The following IDI2 variants were observed in gnomAD, a reference collection of about 807,000 sequenced individuals.
IDI2 encodes the protein isopentenyl-diphosphate delta isomerase 2, also known as isopentenyl-diphosphate delta-isomerase 2.
IDI2 carries 18 observed loss-of-function variants against 14.8 expected under a neutral mutation model. That is an observed-to-expected ratio of 1.22 (90% CI 0.84 to 1.80). The LOEUF is 1.80. IDI2 is among the 40% of genes most tolerant of loss of function. The pLI, the probability that IDI2 is intolerant of heterozygous loss-of-function variation, is 0.00. For synonymous variants in IDI2, 133 were observed against 109.6 expected (o/e 1.21, Z -1.33); for missense variants, 316 against 283.2 (o/e 1.12, Z -0.83).
intron 2 of IDI2, 88 bp from the exon 3 acceptor site, chr10:1,022,863 T>C: frequency 3.1e-6 from 3 of 955,478 alleles, no homozygotes; most frequent in Non-Finnish European, 5.0e-6. Context: ...CTGTTTCTCG[T>C]AGAAAAGCCT....
At chr10:1,020,734 G>A (rs757852814) in intron 4 of IDI2, 33 bp downstream of exon 4, 46 of 1,586,040 alleles carry the variant, frequency 2.9e-5, no homozygotes, top group Middle Eastern at 2.1e-4. Flanking sequence ...CTGGACTCCC[G>A]TGGACACAGC....
chr10:1,020,215 T>C (rs1397962130), intron 4 of IDI2, among the ~76,000 whole-genome samples: 3 of 150,704 alleles, frequency 2.0e-5, no homozygotes, highest in Non-Finnish European at 2.9e-5. Flanking sequence ...CTTTCTACAC[T>C]TGAATTTCTT....
At chr10:1,025,145 C>T (rs1329559897) in intron 1 of IDI2, among the ~76,000 whole-genome samples, 7 of 152,072 alleles carry the variant, frequency 4.6e-5, no homozygotes, top group East Asian at 1.9e-4. Flanking sequence ...CTGGATCAGA[C>T]GTGGAGAAAC....
At position 1,020,769 on chromosome 10, in the gene IDI2, G is replaced by T. The variant is rs370852904; in HGVS notation, c.364C>A (p.Gln122Lys). The change falls in exon 4 of 5, where the codon CAG (glutamine) becomes AAG (lysine). Residue 122 changes from glutamine to lysine, a missense_variant and splice_region_variant. Transcript: ENST00000277517. ...LQAELGIPGE[Q>K]ISPEDIVFMT... Reference sequence around the variant, plus strand: ...CTGAGACTGGATGCTGTGTGTACCTGCTCCCCAGGAATTCCCAGCTCTGCT... The same window carrying T: ...CTGAGACTGGATGCTGTGTGTACCTTCTCCCCAGGAATTCCCAGCTCTGCT... The T allele has an allele frequency of 4.3e-6, 7 of 1,610,850 alleles. No individual in the cohort carries two copies. The highest frequency in any genetic ancestry group is 5.1e-6 in the Non-Finnish European group (6 of 1,178,952).
intron 3 of IDI2, among the ~76,000 whole-genome samples, chr10:1,021,370 TA>T (rs1832096675): frequency 6.6e-6 from 1 of 152,224 alleles, no homozygotes; most frequent in African/African-American, 2.4e-5. Context: ...ACTGCTGGAA[TA>T]CCTTTGACCA....
chr10:1,024,461 C>T, intron 2 of IDI2, 121 bp downstream of exon 2: 1 of 1,053,250 alleles, frequency 9.5e-7, no homozygotes, highest in South Asian at 1.5e-5. Context: ...ACAGCAAGCA[C>T]ACAGGTGACC....
intron 3 of IDI2, among the ~76,000 whole-genome samples, chr10:1,021,599 G>A (rs952379482): frequency 5.9e-5 from 9 of 152,184 alleles, no homozygotes; most frequent in African/African-American, 1.7e-4. Context: ...TCCTGGAGGC[G>A]GCTAACACAT....
rs2132180853 is a variant in IDI2 at position 1,019,478 on chromosome 10, T to C, written c.*39A>G. 2.6e-6 allele frequency: 4 copies of C among 1,546,338 alleles called. No individual in the cohort carries two copies. Among genetic ancestry groups the C allele is most frequent in the Non-Finnish European group, 3.5e-6 (4 of 1,134,244 alleles). On this transcript the variant is annotated 3_prime_UTR_variant, in exon 5 of 5. Transcript: ENST00000277517. ...GCCTCAATGGTGCGTCTGCCTGCAC[T>C]GAGGGCATTACACATGGCTGACTCG...
intron 1 of IDI2, among the ~76,000 whole-genome samples, chr10:1,025,559 AT>A (rs1411810262): frequency 1.0e-4 from 15 of 147,794 alleles, no homozygotes; most frequent in African/African-American, 3.7e-4. Flanking sequence ...AAAAAAAAAA[AT>A]GTTTTCAGGG....
intron 4 of IDI2, among the ~76,000 whole-genome samples, chr10:1,020,260 G>C (rs572616843): frequency 2.2e-4 from 33 of 148,644 alleles, no homozygotes; most frequent in Non-Finnish European, 4.3e-4. Flanking sequence ...GTCTCGCTCT[G>C]TCGCCAGGCT....
rs754899707 is a variant in IDI2, at chr10:1,022,663, G to C, written c.235+20C>G. 12 of 1,569,538 alleles carry C rather than the reference G, an allele frequency of 7.6e-6. No homozygotes were observed. The highest frequency in any genetic ancestry group is 1.4e-5 in the African/African-American group (1 of 73,984). On this transcript the variant is annotated intron_variant, in intron 3 of 4. Coordinates refer to ENST00000277517, the MANE Select transcript of IDI2 (RefSeq NM_033261.3). ...CATGAGATGCTCTCTTCAGTCCGGGGCTTGGTTGAACGGACTCACCAGGAA... is the reference window on the plus strand; with the variant it reads ...CATGAGATGCTCTCTTCAGTCCGGGCCTTGGTTGAACGGACTCACCAGGAA...
intron 3 of IDI2, 120 bp from the exon 4 acceptor site, chr10:1,021,017 G>T: frequency 8.7e-7 from 1 of 1,150,674 alleles, no homozygotes; most frequent in Non-Finnish European, 1.2e-6. Context: ...AGCCTGGCGG[G>T]GGGAGTGGGT....
At position 1,020,621 on chromosome 10, in the gene IDI2, TCACAGCCCCATC is replaced by T. The variant is rs1346984520; in HGVS notation, c.366+134_366+145del. On this transcript the variant is annotated intron_variant, in intron 4 of 4. Transcript: ENST00000277517. ...ATTCACAGCCCCATTCACAGCTCAT[TCACAGCCCCATC>T]CACAGCCCCATCCTTCATCCTCATG... The T allele has an allele frequency of 1.3e-4, 106 of 785,836 alleles. 1 individual carries two copies. In the East Asian group the frequency reaches 2.3e-3, roughly 17 times the overall value. The allele number at this position is 785,836 out of a possible 1,614,324, so 48.7% of individuals were successfully genotyped here.
At chr10:1,024,252 C>T (rs1456402785) in intron 2 of IDI2, among the ~76,000 whole-genome samples, 1 of 152,196 alleles carries the variant, frequency 6.6e-6, no homozygotes, top group Non-Finnish European at 1.5e-5. Context: ...CAGACGTCAC[C>T]TGGGAGGGAC....
chr10:1,020,701 T>TA, intron 4 of IDI2, 66 bp downstream of exon 4: 3 of 1,357,852 alleles, frequency 2.2e-6, no homozygotes, highest in Non-Finnish European at 2.9e-6. Flanking sequence ...CTGGACTTTG[T>TA]TCACCGTCTG....
intron 1 of IDI2, 67 bp from the exon 2 acceptor site, chr10:1,024,811 T>TA: frequency 6.7e-7 from 1 of 1,491,310 alleles, no homozygotes; most frequent in Non-Finnish European, 9.2e-7. Context: ...TGCTATGTGT[T>TA]ACCAACCACA....
At position 1,024,643 on chromosome 10, in the gene IDI2, A is replaced by C; in HGVS notation, c.81T>G (p.Asn27Lys). Residue 27 changes from asparagine to lysine, a missense_variant, in exon 2 of 5, where the codon AAT becomes AAG. Transcript: ENST00000277517. Reference sequence around the variant, plus strand: ...TGGTGTCGGCACCAATAACCTTATCATTCTCATCCACAACAATCAGCATTT... The same window carrying C: ...TGGTGTCGGCACCAATAACCTTATCCTTCTCATCCACAACAATCAGCATTT... ...LEEMLIVVDE[N>K]DKVIGADTKR... 6.2e-7 allele frequency: 1 copy of C among 1,614,116 alleles called. No individual in the cohort carries two copies. Among genetic ancestry groups the C allele is most frequent in the Non-Finnish European group, 8.5e-7 (1 of 1,180,008 alleles).
chr10:1,021,405 CTTAA>C (rs982523362), intron 3 of IDI2, among the ~76,000 whole-genome samples: 12 of 152,372 alleles, frequency 7.9e-5, no homozygotes, highest in Non-Finnish European at 8.8e-5. Flanking sequence ...AGAGGTTCTA[CTTAA>C]TTTACCCAAG....
At chr10:1,020,710 T>TCATTAAAA in intron 4 of IDI2, 57 bp downstream of exon 4, 22 of 1,423,930 alleles carry the variant, frequency 1.5e-5, no homozygotes, top group Middle Eastern at 2.6e-4. Flanking sequence ...GTTCACCGTC[T>TCATTAAAA]GCCCGCTGCC....
Sources: allele counts gnomAD v4.1 joint callset (sites outside exome capture counted in the v4.1 genomes callset), GRCh38; gene constraint gnomAD v4.1.1; transcripts MANE v1.5; gene names NCBI Gene and HGNC (gene_info 2026-07-23, HGNC 2026-07-21).